The following IFIH1 variants were observed in gnomAD, a reference collection of about 807,000 sequenced individuals.
The protein encoded by IFIH1 is interferon-induced helicase C domain-containing protein 1.
Under a neutral mutation model 107.4 loss-of-function variants are expected in IFIH1, and 125 were observed. The observed-to-expected ratio is 1.16, with a 90% CI of 1.01 to 1.35. The LOEUF (loss-of-function observed/expected upper bound fraction) is 1.35. Ranked by LOEUF, IFIH1 falls within the 40% of genes most tolerant of loss-of-function variation. The pLI is 0.00. For synonymous variants in IFIH1, 458 were observed against 413.2 expected, an observed-to-expected ratio of 1.11 and a Z score of -1.31; for missense variants, 1,333 against 1,213.7, an observed-to-expected ratio of 1.10 and a Z score of -1.46.
intron 5 of IFIH1, among the ~76,000 whole-genome samples, chr2:162,285,024 G>C (rs1002049619): frequency 6.6e-6 from 1 of 151,992 alleles, no homozygotes; most frequent in African/African-American, 2.4e-5. Context: ...GCTCTGGGTG[G>C]TGTTGACTTC....
At position 162,281,496 on chromosome 2, in the gene IFIH1, T is replaced by A. The variant is rs1228923855; in HGVS notation, c.1356A>T (p.Ala452=). Residue 452 remains alanine (A), a synonymous_variant, in exon 7 of 16, where the codon GCA becomes GCT. Transcript: ENST00000649979. ...AATGCCTCATGATGTTATTATACAC[T>A]GCTTCTTTGTTGGTGTGATGACATT... ...IDECHHTNKE[A]VYNNIMRHYL... 1 of 1,611,894 alleles carries A rather than the reference T, an allele frequency of 6.2e-7. No individual in the cohort carries two copies.
intron 3 of IFIH1, among the ~76,000 whole-genome samples, chr2:162,305,058 A>G (rs1254454326): frequency 6.6e-6 from 1 of 152,198 alleles, no homozygotes. Context: ...AAATGGTGGG[A>G]CCATTATTTA....
At chr2:162,282,266 A>G in intron 6 of IFIH1, 100 bp downstream of exon 6, 1 of 734,712 alleles carries the variant, frequency 1.4e-6, no homozygotes, top group Non-Finnish European at 2.1e-6. Flanking sequence ...GCAATAAAAG[A>G]CAATTTAAGC....
Position 162,267,141 on chromosome 2 carries a change from A to T in IFIH1, c.*59T>A. 8.4e-7 allele frequency: 1 copy of T among 1,185,836 alleles called. No homozygotes were observed. Among genetic ancestry groups the T allele is most frequent in the Non-Finnish European group, 1.2e-6 (1 of 835,916 alleles). The allele number at this position is 1,185,836 out of a possible 1,614,324, so 73.5% of individuals were successfully genotyped here. On this transcript the variant is annotated 3_prime_UTR_variant, in exon 16 of 16. Transcript: ENST00000649979. ...AGTTCTGTAGCATAATGAATACATT[A>T]ATCATAATCATATTAAATGTTTAAC...
At position 162,318,008 on chromosome 2, in the gene IFIH1, C is replaced by G. The variant is rs1280391598; in HGVS notation, c.300G>C (p.Thr100=). Residue 100 remains threonine, a synonymous_variant, in exon 1 of 16, where the codon ACG becomes ACC. Coordinates refer to ENST00000649979, the MANE Select transcript of IFIH1 (RefSeq NM_022168.4). Reference sequence around the variant, plus strand: ...TCTCAAACGATGGAGAGGGCAAGTCCGTGAGCTCAGGGTTCATGTAGCGGG... The same window carrying G: ...TCTCAAACGATGGAGAGGGCAAGTCGGTGAGCTCAGGGTTCATGTAGCGGG... The part of the protein sequence containing the change: ...LAARYMNPEL[T]DLPSPSFENA... The G allele has an allele frequency of 1.9e-6, 3 of 1,614,050 alleles. No individual in the cohort carries two copies. The highest frequency in any genetic ancestry group is 2.2e-5 in the East Asian group (1 of 44,870).
At position 162,318,389 on chromosome 2, in the gene IFIH1, T is replaced by A; in HGVS notation, c.-82A>T. On this transcript the variant is annotated 5_prime_UTR_variant, in exon 1 of 16. Transcript: ENST00000649979. Reference sequence around the variant, plus strand: ...GGGACAGGTGAAATGTGCGTGCCGCTGTCCGCTGCCCACTTAGAGAAGCAG... The same window carrying A: ...GGGACAGGTGAAATGTGCGTGCCGCAGTCCGCTGCCCACTTAGAGAAGCAG... 2 of 1,145,740 alleles carry A rather than the reference T, an allele frequency of 1.7e-6. No individual in the cohort carries two copies. The highest frequency in any genetic ancestry group is 3.7e-5 in the Admixed American group (2 of 54,752). The allele number at this position is 1,145,740 out of a possible 1,614,324, so 71.0% of individuals were successfully genotyped here. A position where few individuals can be genotyped will look rare whatever the true frequency, so the allele number is the denominator to read the frequency against.
rs747061294 is a variant in IFIH1 at position 162,272,419 on chromosome 2, G to A, written c.2455-32C>T. 16 of 1,592,018 alleles carry A rather than the reference G, an allele frequency of 1.0e-5. No homozygotes were observed. In the South Asian group the frequency reaches 1.6e-4, roughly 16 times the overall value. On this transcript the variant is annotated intron_variant, in intron 12 of 15. Coordinates refer to ENST00000649979, the MANE Select transcript of IFIH1 (RefSeq NM_022168.4). ...ACACAAATAAATCAAGTAAATGAAAGGGTACGTTGTGATACAAATCCTCCT... is the reference window on the plus strand; with the variant it reads ...ACACAAATAAATCAAGTAAATGAAAAGGTACGTTGTGATACAAATCCTCCT...
intron 5 of IFIH1, among the ~76,000 whole-genome samples, chr2:162,287,885 T>C (rs1265009529): frequency 6.6e-6 from 1 of 151,846 alleles, no homozygotes; most frequent in African/African-American, 2.4e-5. Flanking sequence ...AACTCCCAGG[T>C]GTTGGGGCTA....
At chr2:162,291,429 C>T (rs1381728963) in intron 4 of IFIH1, among the ~76,000 whole-genome samples, 1 of 151,450 alleles carries the variant, frequency 6.6e-6, no homozygotes, top group African/African-American at 2.4e-5. Context: ...ACATATCAGG[C>T]CAATATGTAT....
At position 162,267,468 on chromosome 2, in the gene IFIH1, A is replaced by G; in HGVS notation, c.2898+11T>C. The G allele has an allele frequency of 1.2e-6, 2 of 1,612,988 alleles. No homozygotes were observed. The highest frequency in any genetic ancestry group is 1.7e-6 in the Non-Finnish European group (2 of 1,178,906). On this transcript the variant is annotated intron_variant, in intron 15 of 15. Transcript: ENST00000649979. ...GCTAAAGTAAAATCTGGCCCACAGC[A>G]ATTTACTCACCTGGCCACATTTGCA...
At chr2:162,275,189 T>A (rs957387570) in intron 11 of IFIH1, among the ~76,000 whole-genome samples, 1 of 151,502 alleles carries the variant, frequency 6.6e-6, no homozygotes. Context: ...ATACAAGGAG[T>A]GGGGAAGGAA....
At chr2:162,314,416 T>TTTCTTTCTTTCTTTTC (rs71009355) in intron 1 of IFIH1, among the ~76,000 whole-genome samples, 22 of 51,460 alleles carry the variant, frequency 4.3e-4, no homozygotes, top group African/African-American at 2.1e-3. Flanking sequence ...TCTTTCTTTC[T>TTTCTTTCTTTCTTTTC]TTTCTTTCTT....
chr2:162,269,771 T>C (rs948959566), intron 13 of IFIH1, among the ~76,000 whole-genome samples: 1 of 152,206 alleles, frequency 6.6e-6, no homozygotes, highest in Admixed American at 6.6e-5. Context: ...TAACTCTACA[T>C]TTTAGATCTC....
At chr2:162,274,341 T>C (rs1359320542) in intron 11 of IFIH1, among the ~76,000 whole-genome samples, 1 of 152,184 alleles carries the variant, frequency 6.6e-6, no homozygotes, top group Non-Finnish European at 1.5e-5. Flanking sequence ...ATTTAGAGGA[T>C]AAGATGCAGA....
chr2:162,310,472 T>C (rs1234685392), intron 2 of IFIH1: 1 of 483,794 alleles, frequency 2.1e-6, no homozygotes, highest in Non-Finnish European at 3.6e-6. Flanking sequence ...TATTTGTGTA[T>C]ATTTAATGTT....
Position 162,278,228 on chromosome 2 carries a change from C to G in IFIH1, c.1742G>C (p.Trp581Ser). ...ACCTTTTTTTTCCATTTGAATGGCC[C>G]ATTGTTCATAGGGTTGAGTTCCAAA... ...SDFGTQPYEQ[W>S]AIQMEKKAAK... Residue 581 changes from tryptophan (W) to serine (S), a missense_variant, in exon 9 of 16, where the codon TGG becomes TCG. Transcript: ENST00000649979. 6.2e-7 allele frequency: 1 copy of G among 1,605,204 alleles called. No individual in the cohort carries two copies. The highest frequency in any genetic ancestry group is 8.5e-7 in the Non-Finnish European group (1 of 1,177,038).
intron 13 of IFIH1, among the ~76,000 whole-genome samples, chr2:162,269,300 TGC>T (rs1690988738): frequency 6.6e-6 from 1 of 152,222 alleles, no homozygotes; most frequent in African/African-American, 2.4e-5. Context: ...TCTTACTTCC[TGC>T]CTAGAATGAG....
intron 13 of IFIH1, among the ~76,000 whole-genome samples, chr2:162,270,355 T>A (rs761738365): frequency 1.3e-5 from 2 of 152,224 alleles, no homozygotes; most frequent in Non-Finnish European, 2.9e-5. Flanking sequence ...AAAGATTTCA[T>A]CTTATCTGTC....
At position 162,272,308 on chromosome 2, in the gene IFIH1, G is replaced by A. The variant is rs983354402; in HGVS notation, c.2534C>T (p.Thr845Ile). 1.9e-6 allele frequency: 3 copies of A among 1,612,680 alleles called. No homozygotes were observed. Among genetic ancestry groups the A allele is most frequent in the Non-Finnish European group, 1.7e-6 (2 of 1,179,042 alleles). Residue 845 changes from threonine to isoleucine, a missense_variant, in exon 13 of 16, where the codon ACA becomes ATA. Transcript: ENST00000649979. ...HSGSGVIEHE[T>I]VNDFREKMMY... is the part of the protein sequence containing the mutation. ...CATCTTCTCTCGGAAATCATTAACT[G>A]TCTCATGTTCGATAACTCCTGAACC... is the stretch of plus-strand genomic sequence containing the variant.
Sources: gnomAD v4.1 joint callset for allele counts (sites outside exome capture counted in the v4.1 genomes callset) on GRCh38, gnomAD v4.1.1 for gene constraint, MANE v1.5 for transcripts, NCBI Gene and HGNC (gene_info 2026-07-23, HGNC 2026-07-21) for gene names.